The following IL12RB2 variants were observed in gnomAD, a reference collection of about 807,000 sequenced individuals.
IL12RB2 encodes interleukin-12 receptor subunit beta-2.
IL12RB2 carries 82 observed loss-of-function variants against 89.4 expected under a neutral mutation model. The ratio of observed to expected loss-of-function variants is 0.92; its 90% CI spans 0.77 to 1.10. IL12RB2 has a LOEUF of 1.10. IL12RB2 is among the 50% of genes least tolerant of loss of function. The pLI is 0.00. For missense variants in IL12RB2, 963 were observed against 1,031.9 expected (o/e 0.93, Z 0.92); for synonymous variants, 368 against 370.1 (o/e 0.99, Z 0.07).
rs1181551562 is a variant in IL12RB2 at position 67,396,028 on chromosome 1, C to G, written c.2528C>G (p.Ser843Cys). The change falls in exon 17 of 17, where the codon TCC (serine) becomes TGC (cysteine). Residue 843 changes from serine to cysteine, a missense_variant. Transcript: ENST00000674203. ...PSSSLHPLTF[S>C]CGDKLTLDQL... is the part of the protein sequence containing the mutation. ...AGTTCTCTTCACCCACTCACCTTCT[C>G]CTGTGGTGATAAGCTGACTCTGGAT... 1.2e-6 allele frequency: 2 copies of G among 1,604,592 alleles called. No individual in the cohort carries two copies. Among genetic ancestry groups the G allele is most frequent in the South Asian group, 1.1e-5 (1 of 90,902 alleles).
At chr1:67,368,957 T>C (rs1662999037) in intron 11 of IL12RB2, among the ~76,000 whole-genome samples, 1 of 152,218 alleles carries the variant, frequency 6.6e-6, no homozygotes, top group Admixed American at 6.5e-5. Context: ...GCTAATATTT[T>C]AAGGTTTTCA....
In IL12RB2 at chr1:67,377,345, C is replaced by T. The variant is rs995640225; in HGVS notation, c.1718-2641C>T. On this transcript the variant is annotated intron_variant, in intron 13 of 16. Transcript: ENST00000674203. ...GAGCCAGTATATGTTGAGTATATGA[C>T]GCTGAGTTCTAGTTTTCCCTGTGAT... Among the ~76,000 whole-genome samples, 9 of 152,224 alleles carry T rather than the reference C, an allele frequency of 5.9e-5. No homozygotes were observed. In the South Asian group the frequency reaches 6.2e-4, roughly 11 times the overall value.
chr1:67,311,910 T>C (rs995992239), intron 1 of IL12RB2, among the ~76,000 whole-genome samples: 4 of 152,204 alleles, frequency 2.6e-5, no homozygotes, highest in African/African-American at 9.7e-5. Flanking sequence ...AAATACTCAG[T>C]GGTTGCTTAC....
rs1553310386 is a variant in IL12RB2, at chr1:67,326,968, T to TTTATTTAC, written c.479+126_479+127insCTTATTTA. Reference sequence around the variant, plus strand: ...TTTTATTTATTTATTTATTTATTTATTTATTTATTTTGAGACGGAATCTCA... The same window carrying TTTATTTAC: ...TTTTATTTATTTATTTATTTATTTATTTATTTACTTATTTATTTTGAGACGGAATCTCA... On this transcript the variant is annotated intron_variant, in intron 5 of 16. Coordinates refer to ENST00000674203, the MANE Select transcript of IL12RB2 (RefSeq NM_001374259.2). 0.012 allele frequency: 9,604 copies of TTTATTTAC among 818,346 alleles called. 786 individuals carry two copies. In the African/African-American group the frequency reaches 0.17, roughly 15 times the overall value. The allele number at this position is 818,346 out of a possible 1,614,324, so 50.7% of individuals were successfully genotyped here. A position where few individuals can be genotyped will look rare whatever the true frequency, so the allele number is the denominator to read the frequency against.
intron 9 of IL12RB2, among the ~76,000 whole-genome samples, chr1:67,346,220 C>A (rs966734550): frequency 6.6e-6 from 1 of 152,110 alleles, no homozygotes; most frequent in African/African-American, 2.4e-5. Context: ...AAGTGCAGAT[C>A]ACATGAAGTT....
At chr1:67,383,767 G>A (rs1570177686) in intron 14 of IL12RB2, among the ~76,000 whole-genome samples, 1 of 152,202 alleles carries the variant, frequency 6.6e-6, no homozygotes, top group African/African-American at 2.4e-5. Flanking sequence ...AAGCATGTGG[G>A]AGTTGTTTAT....
At chr1:67,381,279 C>T (rs1341598216) in intron 14 of IL12RB2, among the ~76,000 whole-genome samples, 3 of 152,200 alleles carry the variant, frequency 2.0e-5, no homozygotes, top group Non-Finnish European at 4.4e-5. Flanking sequence ...GGGCTTCCCT[C>T]CACCAGCTAA....
At chr1:67,331,732 G>A (rs780418502) in intron 8 of IL12RB2, among the ~76,000 whole-genome samples, 6 of 152,052 alleles carry the variant, frequency 3.9e-5, no homozygotes, top group Non-Finnish European at 7.4e-5. Flanking sequence ...CCAGCCATTC[G>A]GGAGGCTAAG....
At chr1:67,357,711 G>C (rs1488475265) in intron 10 of IL12RB2, among the ~76,000 whole-genome samples, 1 of 152,134 alleles carries the variant, frequency 6.6e-6, no homozygotes, top group South Asian at 2.1e-4. Context: ...ATATATTTAA[G>C]AGAATGCAAG....
Position 67,372,772 on chromosome 1 carries a change from C to G in IL12RB2, c.1706C>G (p.Pro569Arg). ...YWKERDSNSQ[P>R]QLCEIPYRVS... ...AAGGAACGGGACTCCAACTCCCAGC[C>G]TCAGCTCTGTGGTATGTGTGAGAAC... Residue 569 changes from proline to arginine, a missense_variant, in exon 13 of 17, where the codon CCT becomes CGT. Coordinates refer to ENST00000674203, the MANE Select transcript of IL12RB2 (RefSeq NM_001374259.2). The G allele has an allele frequency of 6.8e-6, 11 of 1,607,626 alleles. No individual in the cohort carries two copies. Among genetic ancestry groups the G allele is most frequent in the Non-Finnish European group, 9.4e-6 (11 of 1,174,116 alleles).
At chr1:67,327,117 C>T (rs941558176) in intron 5 of IL12RB2, among the ~76,000 whole-genome samples, 27 of 151,854 alleles carry the variant, frequency 1.8e-4, no homozygotes, top group South Asian at 2.1e-4. Context: ...CCCACCACCA[C>T]GCCCAGCTAA....
chr1:67,334,717 G>T (rs903862933), intron 8 of IL12RB2, among the ~76,000 whole-genome samples: 5 of 152,040 alleles, frequency 3.3e-5, no homozygotes, highest in Non-Finnish European at 5.9e-5. Flanking sequence ...CTGACCTTGG[G>T]ATCTGTCTGC....
chr1:67,316,225 G>A (rs1174178603), intron 2 of IL12RB2, among the ~76,000 whole-genome samples: 1 of 151,564 alleles, frequency 6.6e-6, no homozygotes, highest in Non-Finnish European at 1.5e-5. Flanking sequence ...GCTAAGATAG[G>A]AAGATGCCAG....
intron 9 of IL12RB2, among the ~76,000 whole-genome samples, chr1:67,341,503 G>GAAAGAAAGAGAAAAAGAAAGAGAAAT (rs11418270): frequency 2.0e-5 from 1 of 50,410 alleles, no homozygotes; most frequent in African/African-American, 7.9e-5. Context: ...GAAAGAGAAA[G>GAAAGAAAGAGAAAAAGAAAGAGAAAT]AAGAAAGAAG....
chr1:67,361,024 G>C (rs1038330059), intron 10 of IL12RB2, among the ~76,000 whole-genome samples: 10 of 151,856 alleles, frequency 6.6e-5, no homozygotes, highest in African/African-American at 2.4e-4. Flanking sequence ...TACCCAACTC[G>C]AGCCCACTGT....
chr1:67,308,850 T>C (rs1337082733), intron 1 of IL12RB2, among the ~76,000 whole-genome samples: 2 of 151,988 alleles, frequency 1.3e-5, no homozygotes, highest in South Asian at 4.2e-4. Context: ...TGAAACCCTG[T>C]CTCTATTAAA....
At chr1:67,344,190 C>T (rs1393413736) in intron 9 of IL12RB2, among the ~76,000 whole-genome samples, 3 of 151,820 alleles carry the variant, frequency 2.0e-5, no homozygotes, top group African/African-American at 7.3e-5. Context: ...CACTGTTCCA[C>T]GGAAATATAA....
intron 9 of IL12RB2, among the ~76,000 whole-genome samples, chr1:67,345,088 T>A (rs1458828293): frequency 6.6e-6 from 1 of 152,056 alleles, no homozygotes; most frequent in Non-Finnish European, 1.5e-5. Flanking sequence ...GGAGAATCAC[T>A]TGAACCCAGG....
chr1:67,350,483 A>G (rs180964069), intron 9 of IL12RB2, among the ~76,000 whole-genome samples: 9 of 152,366 alleles, frequency 5.9e-5, no homozygotes, highest in Admixed American at 3.9e-4. Flanking sequence ...ATGGAGACTC[A>G]GAGGGGCTGA....
Sources: allele counts gnomAD v4.1 joint callset (sites outside exome capture counted in the v4.1 genomes callset), GRCh38; gene constraint gnomAD v4.1.1; transcripts MANE v1.5; gene names NCBI Gene and HGNC (gene_info 2026-07-23, HGNC 2026-07-21).